The following SDE2 variants were observed in gnomAD, a reference collection of about 807,000 sequenced individuals.
SDE2 encodes spliceosome associated SDE2, also known as splicing regulator SDE2.
SDE2 carries 31 observed loss-of-function variants against 46.9 expected under a neutral mutation model. The observed-to-expected ratio is 0.66, with a 90% CI of 0.50 to 0.89. The LOEUF is 0.89. Ranked by LOEUF, SDE2 falls within the 40% of genes least tolerant of loss-of-function variation. The pLI, the probability that SDE2 is intolerant of heterozygous loss-of-function variation, is 0.00. For synonymous variants in SDE2, 205 were observed against 204.3 expected (o/e 1.00, Z -0.03); for missense variants, 542 against 564.4 (o/e 0.96, Z 0.40).
intron 2 of SDE2, 63 bp from the exon 3 acceptor site, chr1:225,993,065 T>C (rs1576176369): frequency 2.6e-6 from 2 of 783,792 alleles, no homozygotes; most frequent in Admixed American, 2.3e-5. Context: ...AAAGCAGAAT[T>C]TGTGAAAACA....
At chr1:225,998,934 T>C (rs1656592631) in intron 1 of SDE2, among the ~76,000 whole-genome samples, 1 of 152,144 alleles carries the variant, frequency 6.6e-6, no homozygotes, top group South Asian at 2.1e-4. Context: ...ACAAAGTATT[T>C]GTAACTGTGA....
intron 4 of SDE2, 21 bp downstream of exon 4, chr1:225,992,377 C>G (rs757037565): frequency 2.5e-6 from 4 of 1,606,348 alleles, no homozygotes; most frequent in Non-Finnish European, 3.4e-6. Flanking sequence ...GCTGAACACA[C>G]TAAGGAATCC....
In SDE2 at chr1:225,991,236, C is replaced by A. The variant is rs1249055159; in HGVS notation, c.641+7G>T. ...AGATCAATTGGGAACGAAAGTGAAA[C>A]ACTTACCAGAAGCATCTCCTCTTTC... On this transcript the variant is annotated splice_region_variant and intron_variant, in intron 5 of 6. Transcript: ENST00000272091. 6.2e-7 allele frequency: 1 copy of A among 1,612,014 alleles called. No homozygotes were observed. Among genetic ancestry groups the A allele is most frequent in the South Asian group, 1.1e-5 (1 of 90,866 alleles).
intron 6 of SDE2, 63 bp from the exon 7 acceptor site, chr1:225,985,586 A>C (rs923004652): frequency 3.0e-6 from 3 of 995,796 alleles, no homozygotes; most frequent in Non-Finnish European, 3.1e-6. Context: ...AGACTCTTTA[A>C]CTGTCAACTA....
At position 225,999,285 on chromosome 1, in the gene SDE2, T is replaced by TA; in HGVS notation, c.27_28insT (p.Ile10TyrfsTer48). ...TTGCACCCGAAGCCAGGGCCGCGAA[T>TA]CCACACCAGCGCCGCGGCCTCCGCC... On this transcript the variant is annotated frameshift_variant, in exon 1 of 7. Coordinates refer to ENST00000272091, the MANE Select transcript of SDE2 (RefSeq NM_152608.4). LOFTEE classifies it high-confidence loss of function. 1 of 1,612,202 alleles carries TA rather than the reference T, an allele frequency of 6.2e-7. No homozygotes were observed. Among genetic ancestry groups the TA allele is most frequent in the Non-Finnish European group, 8.5e-7 (1 of 1,179,386 alleles).
chr1:225,989,589 A>G (rs1362680190), intron 5 of SDE2, among the ~76,000 whole-genome samples: 2 of 151,158 alleles, frequency 1.3e-5, no homozygotes, highest in South Asian at 2.1e-4. Flanking sequence ...AGATTGTGCC[A>G]TTGCACTCCA....
Position 225,983,950 on chromosome 1 carries a change from T to G in SDE2, c.*1352A>C, listed in dbSNP as rs138953356. The G allele has an allele frequency of 6.6e-6, 1 of 152,034 alleles. No individual in the cohort carries two copies. Among genetic ancestry groups the G allele is most frequent in the African/African-American group, 2.4e-5 (1 of 41,384 alleles). 9.4% of individuals were successfully genotyped at this position (152,034 alleles called of 1,614,324 possible). ...TCAAAGAAGAACTGAGGGAGGAAATTAGAAAATAATCAGAGGCTGGGCATG... is the reference window on the plus strand; with the variant it reads ...TCAAAGAAGAACTGAGGGAGGAAATGAGAAAATAATCAGAGGCTGGGCATG... On this transcript the variant is annotated 3_prime_UTR_variant, in exon 7 of 7. Transcript: ENST00000272091.
Position 225,983,890 on chromosome 1 carries a change from G to C in SDE2, c.*1412C>G, listed in dbSNP as rs1418203137. The C allele has an allele frequency of 6.6e-6, 1 of 152,166 alleles. No homozygotes were observed. The highest frequency in any genetic ancestry group is 2.4e-5 in the African/African-American group (1 of 41,438). 9.4% of individuals were successfully genotyped at this position (152,166 alleles called of 1,614,324 possible). The stretch of plus-strand genomic sequence containing the variant: ...TTAAGAGGAAAAAAAACAAATGTTT[G>C]CTGATCAGACAACCCACTTCTGATA... On this transcript the variant is annotated 3_prime_UTR_variant, in exon 7 of 7. Transcript: ENST00000272091.
In SDE2 at chr1:225,995,289, G is replaced by T. The variant is rs759242630; in HGVS notation, c.215C>A (p.Pro72His). The T allele has an allele frequency of 6.2e-7, 1 of 1,605,532 alleles. No homozygotes were observed. Among genetic ancestry groups the T allele is most frequent in the South Asian group, 1.1e-5 (1 of 90,662 alleles). The part of the protein sequence containing the change: ...VQHGAVYSLE[P>H]RLCGGKGGFG... ...ACCTCCTTTTCCACCGCAAAGTCTGGGTTCCAAACTATAAACAGCTCCATG... is the reference window on the plus strand; with the variant it reads ...ACCTCCTTTTCCACCGCAAAGTCTGTGTTCCAAACTATAAACAGCTCCATG... The change falls in exon 2 of 7, where the codon CCC becomes CAC. Residue 72 changes from proline (P) to histidine (H), a missense_variant. Pro to His is a moderately conservative substitution (Grantham distance 77, BLOSUM62 -2). Coordinates refer to ENST00000272091, the MANE Select transcript of SDE2 (RefSeq NM_152608.4).
At chr1:225,986,335 T>TAAA (rs937266609) in intron 6 of SDE2, among the ~76,000 whole-genome samples, 1 of 136,426 alleles carries the variant, frequency 7.3e-6, no homozygotes, top group Non-Finnish European at 1.6e-5. Flanking sequence ...ACTCTGTCAT[T>TAAA]AAAAAAAAAA....
At chr1:225,995,819 C>T (rs1362424953) in intron 1 of SDE2, among the ~76,000 whole-genome samples, 4 of 152,218 alleles carry the variant, frequency 2.6e-5, no homozygotes, top group Middle Eastern at 6.8e-3. Flanking sequence ...AGGAAGGAGT[C>T]AAGAGTGTGG....
At chr1:225,991,155 C>A in intron 5 of SDE2, 88 bp downstream of exon 5, 1 of 1,390,948 alleles carries the variant, frequency 7.2e-7, no homozygotes, top group Non-Finnish European at 1.0e-6. Flanking sequence ...AAACACTACA[C>A]AAAAATGTGT....
chr1:225,993,104 CTACTT>C, intron 2 of SDE2, 102 bp from the exon 3 acceptor site: 1 of 453,698 alleles, frequency 2.2e-6, no homozygotes, highest in Non-Finnish European at 3.9e-6. Context: ...ACAATGATCT[CTACTT>C]TCTTTCTTTT....
At chr1:225,991,155 C>CA in intron 5 of SDE2, 88 bp downstream of exon 5, 2 of 1,390,948 alleles carry the variant, frequency 1.4e-6, no homozygotes, top group Non-Finnish European at 2.0e-6. Flanking sequence ...AAACACTACA[C>CA]AAAAATGTGT....
intron 5 of SDE2, among the ~76,000 whole-genome samples, chr1:225,989,351 G>A (rs113059631): frequency 7.9e-5 from 12 of 150,954 alleles, no homozygotes; most frequent in African/African-American, 2.2e-4. Flanking sequence ...AAATCCATCC[G>A]GGCATGGTGG....
Position 225,994,081 on chromosome 1 carries a change from CTT to C in SDE2, c.239-1081_239-1080del, listed in dbSNP as rs371544719. On this transcript the variant is annotated intron_variant, in intron 2 of 6. Coordinates refer to ENST00000272091, the MANE Select transcript of SDE2 (RefSeq NM_152608.4). ...ACCATGCCTGGCCACATGCTTCATT[CTT>C]TTTTTTTTTTTTTGAGAGAGTCTCA... Among the ~76,000 whole-genome samples the C allele has an allele frequency of 1.1e-3, 156 of 140,696 alleles. 1 individual carries two copies. The highest frequency in any genetic ancestry group is 3.2e-3 in the African/African-American group (122 of 38,556). 92.3% of individuals were successfully genotyped at this position (140,696 alleles called of 152,430 possible).
chr1:225,999,181 C>T lies in SDE2; in HGVS notation c.120+12G>A, dbSNP rs375745106. The T allele has an allele frequency of 2.9e-5, 46 of 1,607,600 alleles. No homozygotes were observed. In the Middle Eastern group the frequency reaches 6.6e-4, roughly 23 times the overall value. On this transcript the variant is annotated intron_variant, in intron 1 of 6. Transcript: ENST00000272091. The stretch of plus-strand genomic sequence containing the variant: ...CCTCTTTCTCCTTCCTAACAGGAAC[C>T]GAAATCCTCACCTGATCTTGGCAGT...
intron 6 of SDE2, among the ~76,000 whole-genome samples, chr1:225,986,052 T>G (rs1257272156): frequency 1.3e-5 from 2 of 152,108 alleles, no homozygotes; most frequent in African/African-American, 4.8e-5. Context: ...CTTTATAGAC[T>G]TTAAGACAAA....
chr1:225,985,963 T>C (rs1054259119), intron 6 of SDE2, among the ~76,000 whole-genome samples: 1 of 152,196 alleles, frequency 6.6e-6, no homozygotes, highest in African/African-American at 2.4e-5. Flanking sequence ...TAAAACTAAT[T>C]GTCAGACCTC....
Sources: allele counts gnomAD v4.1 joint callset (sites outside exome capture counted in the v4.1 genomes callset), GRCh38; gene constraint gnomAD v4.1.1; transcripts MANE v1.5; gene names NCBI Gene and HGNC (gene_info 2026-07-23, HGNC 2026-07-21).